The following LSM4 variants were observed in gnomAD, a reference collection of about 807,000 sequenced individuals.
LSM4 encodes the protein LSM4 homolog, U6 small nuclear RNA and mRNA degradation associated.
LSM4 carries 15 observed loss-of-function variants against 22.3 expected under a neutral mutation model. The observed-to-expected ratio is 0.67, with a 90% CI of 0.45 to 1.03. The LOEUF is 1.03. Ranked by LOEUF, LSM4 falls within the 50% of genes least tolerant of loss-of-function variation. The pLI is 0.00. For synonymous variants in LSM4, 90 were observed against 79.8 expected (o/e 1.13, Z -0.68); for missense variants, 127 against 198.0 (o/e 0.64, Z 2.15).
chr19:18,309,925 C>CG, intron 3 of LSM4, 64 bp from the exon 4 acceptor site: 1 of 1,533,306 alleles, frequency 6.5e-7, no homozygotes, highest in South Asian at 1.2e-5. Flanking sequence ...CCTGGGAGCG[C>CG]GGGAGGCCCT....
chr19:18,322,963 C>T, intron 1 of LSM4, 55 bp downstream of exon 1: 1 of 1,587,152 alleles, frequency 6.3e-7, no homozygotes, highest in South Asian at 1.1e-5. Flanking sequence ...CGCAGGGATC[C>T]CAACGACTGC....
At position 18,316,066 on chromosome 19, in the gene LSM4, C is replaced by A. The variant is rs1411877571; in HGVS notation, c.4-1G>T. 6.2e-7 allele frequency: 1 copy of A among 1,613,520 alleles called. No homozygotes were observed. Among genetic ancestry groups the A allele is most frequent in the African/African-American group, 1.3e-5 (1 of 74,864 alleles). On this transcript the variant is annotated splice_acceptor_variant, in intron 1 of 4. Coordinates refer to ENST00000593829, the MANE Select transcript of LSM4 (RefSeq NM_012321.5). LOFTEE classifies it high-confidence loss of function. Reference sequence around the variant, plus strand: ...CCGTCTTCAGCAGTGACAAGGGAAGCTGAAAGGCAAATAAAGCCACATGAT... The same window carrying A: ...CCGTCTTCAGCAGTGACAAGGGAAGATGAAAGGCAAATAAAGCCACATGAT...
At chr19:18,308,213 G>A (rs112271148) in intron 4 of LSM4, among the ~76,000 whole-genome samples, 133 of 152,278 alleles carry the variant, frequency 8.7e-4, no homozygotes, top group Middle Eastern at 3.4e-3. Flanking sequence ...ACGCTACAGC[G>A]GCACCTCCAG....
intron 2 of LSM4, among the ~76,000 whole-genome samples, chr19:18,314,787 G>A (rs964496123): frequency 3.9e-5 from 6 of 152,110 alleles, no homozygotes; most frequent in Non-Finnish European, 5.9e-5. Flanking sequence ...TTGTGGAGAC[G>A]GAAATGTTCC....
chr19:18,317,823 G>A (rs1364142973), intron 1 of LSM4, among the ~76,000 whole-genome samples: 2 of 152,030 alleles, frequency 1.3e-5, no homozygotes, highest in East Asian at 1.9e-4. Flanking sequence ...GCACCACCAC[G>A]CCTGGTTTCA....
intron 4 of LSM4, 91 bp from the exon 5 acceptor site, chr19:18,307,646 C>A (rs967576393): frequency 7.6e-6 from 7 of 922,940 alleles, no homozygotes; most frequent in Non-Finnish European, 1.1e-5. Context: ...GCCAGGTCAC[C>A]TAAGTCTCCA....
At chr19:18,316,179 A>G (rs1433225653) in intron 1 of LSM4, 114 bp from the exon 2 acceptor site, 2 of 852,974 alleles carry the variant, frequency 2.3e-6, no homozygotes, top group Non-Finnish European at 3.7e-6. Flanking sequence ...GGGGCACAGG[A>G]GTGCGTGTCA....
At chr19:18,315,987 C>G (rs1034890356) in intron 2 of LSM4, 37 bp downstream of exon 2, 13 of 1,607,650 alleles carry the variant, frequency 8.1e-6, no homozygotes, top group Admixed American at 1.7e-5. Context: ...GGCTGGCCCC[C>G]TCTCAAACAG....
intron 1 of LSM4, among the ~76,000 whole-genome samples, chr19:18,319,562 A>AAAC (rs141901547): frequency 1.1e-3 from 171 of 152,202 alleles, no homozygotes; most frequent in South Asian, 4.1e-3. Flanking sequence ...TTCATCTCAA[A>AAAC]AACAACAACA....
chr19:18,309,335 G>T, intron 4 of LSM4: 2 of 310,942 alleles, frequency 6.4e-6, no homozygotes, highest in Non-Finnish European at 5.9e-6. Flanking sequence ...CGGTGGGGGC[G>T]GGCGACCTTG....
At chr19:18,322,974 T>C (rs1482665068) in intron 1 of LSM4, 44 bp downstream of exon 1, 9 of 1,589,756 alleles carry the variant, frequency 5.7e-6, no homozygotes, top group African/African-American at 1.4e-5. Context: ...CAACGACTGC[T>C]GTTCCCGCCT....
chr19:18,315,144 T>C (rs2076749848), intron 2 of LSM4, among the ~76,000 whole-genome samples: 1 of 151,994 alleles, frequency 6.6e-6, no homozygotes, highest in Non-Finnish European at 1.5e-5. Context: ...CCCAAAGTGC[T>C]GGGATTACAG....
At chr19:18,310,274 C>T (rs367741044) in intron 3 of LSM4, 6 of 214,290 alleles carry the variant, frequency 2.8e-5, no homozygotes, top group East Asian at 2.9e-4. Flanking sequence ...CAGCCGAAGC[C>T]CAGCTACTCC....
At chr19:18,316,386 G>C (rs1970357417) in intron 1 of LSM4, 1 of 200,348 alleles carries the variant, frequency 5.0e-6, no homozygotes, top group Non-Finnish European at 9.9e-6. Context: ...CTGTCACCCA[G>C]GCTGGAGTGC....
intron 4 of LSM4, among the ~76,000 whole-genome samples, chr19:18,307,791 G>C (rs781477604): frequency 0.054 from 8,264 of 152,132 alleles, 281 homozygotes; most frequent in Non-Finnish European, 0.067. Context: ...GGATGCGGGG[G>C]GGGGGGACTA....
chr19:18,307,184 G>A lies in LSM4; in HGVS notation c.*280C>T, dbSNP rs997244720. 8 of 358,972 alleles carry A rather than the reference G, an allele frequency of 2.2e-5. No individual in the cohort carries two copies. The Admixed American group carries it at 2.8e-4, about 13-fold the overall frequency. The allele number at this position is 358,972 out of a possible 1,614,324, so 22.2% of individuals were successfully genotyped here. A position where few individuals can be genotyped will look rare whatever the true frequency, so the allele number is the denominator to read the frequency against. The stretch of plus-strand genomic sequence containing the variant: ...AAAATGCTGCCCTGAGAACCAGAGC[G>A]AGGGCTTGAAAGATGCCTTCAACAC... On this transcript the variant is annotated 3_prime_UTR_variant, in exon 5 of 5. Transcript: ENST00000593829.
At chr19:18,312,972 G>A (rs993712363) in intron 2 of LSM4, among the ~76,000 whole-genome samples, 2 of 152,222 alleles carry the variant, frequency 1.3e-5, no homozygotes, top group Non-Finnish European at 2.9e-5. Flanking sequence ...TGTAATCCCA[G>A]CACTTTGGGA....
At chr19:18,311,105 C>G (rs975983614) in intron 3 of LSM4, among the ~76,000 whole-genome samples, 3 of 152,134 alleles carry the variant, frequency 2.0e-5, no homozygotes, top group African/African-American at 7.2e-5. Context: ...GCTCGTGGGG[C>G]GGACACACCA....
At chr19:18,308,267 CCT>C (rs1206316422) in intron 4 of LSM4, among the ~76,000 whole-genome samples, 5 of 152,172 alleles carry the variant, frequency 3.3e-5, no homozygotes, top group Admixed American at 6.5e-5. Flanking sequence ...GTCCCCACAC[CCT>C]CTGTGTGCCT....
Sources: gnomAD v4.1 joint callset for allele counts (sites outside exome capture counted in the v4.1 genomes callset) on GRCh38, gnomAD v4.1.1 for gene constraint, MANE v1.5 for transcripts, NCBI Gene and HGNC (gene_info 2026-07-23, HGNC 2026-07-21) for gene names.